Variants in ACTR3C observed in about 807,000 individuals in gnomAD.
ACTR3C encodes the protein actin related protein 3C.
Under a neutral mutation model 26.3 loss-of-function variants are expected in ACTR3C, and 18 were observed. That is an observed-to-expected ratio of 0.68 (90% CI 0.47 to 1.01). The LOEUF is 1.01. Among genes scored for constraint, ACTR3C ranks in the 50% least tolerant of loss-of-function variants. The pLI, the probability that ACTR3C is intolerant of heterozygous loss-of-function variation, is 0.00. For missense variants in ACTR3C, 184 were observed against 250.7 expected, an observed-to-expected ratio of 0.73 and a Z score of 1.80; for synonymous variants, 55 against 94.5, an observed-to-expected ratio of 0.58 and a Z score of 2.42.
chr7:149,980,480 AC>A, the ACTR3C span, among the ~76,000 whole-genome samples: 1 of 152,192 alleles, frequency 6.6e-6, no homozygotes, highest in Non-Finnish European at 1.5e-5. Flanking sequence ...CAAAAGAGGG[AC>A]CCTGATTTCT....
the ACTR3C span, among the ~76,000 whole-genome samples, chr7:150,132,861 A>G: frequency 2.0e-5 from 3 of 152,202 alleles, no homozygotes; most frequent in Non-Finnish European, 4.4e-5. Context: ...GTGCCCACCA[A>G]TGGTGAACTG....
chr7:150,156,555 A>G, the ACTR3C span, among the ~76,000 whole-genome samples: 94 of 151,138 alleles, frequency 6.2e-4, no homozygotes, highest in African/African-American at 2.2e-3. Flanking sequence ...AGAGAGAGAG[A>G]GGAGAGAGAG....
chr7:150,150,491 G>C, the ACTR3C span, among the ~76,000 whole-genome samples: 4 of 149,472 alleles, frequency 2.7e-5, no homozygotes, highest in Admixed American at 1.3e-4. Context: ...TCCATGCAGA[G>C]GGGTGTTAGG....
At chr7:150,174,028 C>A in the ACTR3C span, among the ~76,000 whole-genome samples, 2 of 141,032 alleles carry the variant, frequency 1.4e-5, no homozygotes, top group African/African-American at 6.3e-5. Flanking sequence ...GCAAACTTTC[C>A]CACATTTTCC....
chr7:149,995,625 A>G, the ACTR3C span, among the ~76,000 whole-genome samples: 2 of 152,272 alleles, frequency 1.3e-5, no homozygotes, highest in African/African-American at 4.8e-5. Flanking sequence ...CAGGATGAAC[A>G]ACTGATCTGA....
chr7:150,091,987 CAAAAAAAAAAAAAAAAA>C, the ACTR3C span, among the ~76,000 whole-genome samples: 9 of 19,406 alleles, frequency 4.6e-4, no homozygotes, highest in Non-Finnish European at 3.1e-4. Flanking sequence ...GACTCCGTCT[CAAAAAAAAAAAAAAAAA>C]AAAAAAAAAA....
At chr7:150,190,368 A>G in the ACTR3C span, among the ~76,000 whole-genome samples, 3 of 149,790 alleles carry the variant, frequency 2.0e-5, no homozygotes, top group African/African-American at 7.6e-5. Flanking sequence ...GTATTCTTTC[A>G]ACAATTTTAA....
the ACTR3C span, among the ~76,000 whole-genome samples, chr7:150,056,748 G>A: frequency 5.5e-5 from 8 of 146,198 alleles, no homozygotes; most frequent in South Asian, 7.0e-4. Flanking sequence ...CCTCTGCAGC[G>A]CACCCATAAT....
the ACTR3C span, among the ~76,000 whole-genome samples, chr7:149,998,161 G>A: frequency 6.6e-6 from 1 of 150,956 alleles, no homozygotes; most frequent in African/African-American, 2.4e-5. Context: ...ACATCACCCT[G>A]TGGCAAGCAG....
chr7:149,965,121 T>C, the ACTR3C span, among the ~76,000 whole-genome samples: 2 of 151,318 alleles, frequency 1.3e-5, no homozygotes, highest in Non-Finnish European at 2.9e-5. Context: ...ATAATTAGAA[T>C]TTATGTTGAG....
intron 1 of ACTR3C, among the ~76,000 whole-genome samples, chr7:150,312,509 C>T (rs1290081018): frequency 6.6e-6 from 1 of 152,182 alleles, no homozygotes; most frequent in Non-Finnish European, 1.5e-5. Context: ...GGCCTAAAAA[C>T]TCATCGCCAC....
At chr7:150,013,915 T>C in the ACTR3C span, among the ~76,000 whole-genome samples, 1 of 152,200 alleles carries the variant, frequency 6.6e-6, no homozygotes, top group Non-Finnish European at 1.5e-5. Flanking sequence ...TATAGGCCTC[T>C]TTCATTTCCT....
At chr7:150,118,927 T>C in the ACTR3C span, among the ~76,000 whole-genome samples, 12 of 124,938 alleles carry the variant, frequency 9.6e-5, no homozygotes, top group African/African-American at 3.8e-4. Flanking sequence ...TGGGGGCCAA[T>C]AGTCAACATT....
At chr7:150,299,289 A>G (rs1315022936) in intron 1 of ACTR3C, among the ~76,000 whole-genome samples, 1 of 151,202 alleles carries the variant, frequency 6.6e-6, no homozygotes, top group African/African-American at 2.4e-5. Flanking sequence ...GCCAAAAACT[A>G]TTTTTAAAAA....
the ACTR3C span, among the ~76,000 whole-genome samples, chr7:150,153,933 T>C: frequency 6.7e-6 from 1 of 148,586 alleles, no homozygotes; most frequent in African/African-American, 2.5e-5. Context: ...GGGACATGGA[T>C]GAAATTGGAA....
the ACTR3C span, among the ~76,000 whole-genome samples, chr7:150,129,235 C>T: frequency 3.2e-4 from 48 of 152,098 alleles, no homozygotes; most frequent in Non-Finnish European, 6.0e-4. Context: ...CATAACCTGC[C>T]AAAAGATATC....
the ACTR3C span, among the ~76,000 whole-genome samples, chr7:149,897,145 C>T: frequency 2.6e-5 from 4 of 151,014 alleles, no homozygotes; most frequent in African/African-American, 9.7e-5. Context: ...ACAGAGTTTG[C>T]ACGGGTGTGT....
chr7:149,983,461 A>G, the ACTR3C span, among the ~76,000 whole-genome samples: 1 of 119,714 alleles, frequency 8.4e-6, no homozygotes, highest in African/African-American at 3.6e-5. Flanking sequence ...ATATATATAT[A>G]TATGTAGGAA....
the ACTR3C span, among the ~76,000 whole-genome samples, chr7:149,987,497 G>A: frequency 2.0e-5 from 3 of 148,028 alleles, no homozygotes; most frequent in East Asian, 2.0e-4. Context: ...AACCTGGGAG[G>A]CAGAGGTTGC....
Sources: gnomAD v4.1 joint callset for allele counts (sites outside exome capture counted in the v4.1 genomes callset) on GRCh38, gnomAD v4.1.1 for gene constraint, MANE v1.5 for transcripts, NCBI Gene and HGNC (gene_info 2026-07-23, HGNC 2026-07-21) for gene names.